The following ERCC4 variants were observed in gnomAD, a reference collection of about 807,000 sequenced individuals.
ERCC4 encodes ERCC excision repair 4, endonuclease catalytic subunit.
A neutral mutation model predicts 76.9 loss-of-function variants in ERCC4; 65 were observed. The observed-to-expected ratio is 0.84, with a 90% CI of 0.69 to 1.04. ERCC4 has a LOEUF of 1.04. ERCC4 is among the 50% of genes least tolerant of loss of function. The pLI is 0.00. For missense variants in ERCC4, 1,214 were observed against 1,128.2 expected (o/e 1.08, Z -1.09); for synonymous variants, 463 against 410.1 (o/e 1.13, Z -1.56).
Position 13,947,919 on chromosome 16 carries a change from T to C in ERCC4, c.2323T>C (p.Leu775=). The C allele has an allele frequency of 6.2e-7, 1 of 1,614,168 alleles. No individual in the cohort carries two copies. Among genetic ancestry groups the C allele is most frequent in the Non-Finnish European group, 8.5e-7 (1 of 1,180,028 alleles). Residue 775 remains leucine, a synonymous_variant, in exon 11 of 11, where the codon TTG becomes CTG. Coordinates refer to ENST00000311895, the MANE Select transcript of ERCC4 (RefSeq NM_005236.3). ...KPFSLTSRGA[L]FQEISSNDIS... ...TTTCTCTCTCACTTCCCGAGGTGCC[T>C]TGTTTCAGGAGATCTCCAGCAATGA...
chr16:13,921,919 A>G (rs1426406052), intron 1 of ERCC4, 112 bp from the exon 2 acceptor site: 1 of 706,954 alleles, frequency 1.4e-6, no homozygotes, highest in East Asian at 2.7e-5. Flanking sequence ...GTGTATATTC[A>G]TTATTAAGTT....
rs373229910 is a variant in ERCC4, at chr16:13,932,205, C to G, written c.1022C>G (p.Ala341Gly). ...ACCTCGATGTTTATAAATGCTCGAG[C>G]AAGGGTTTATCATCTTCCAGATGCC... ...SSTSMFINAR[A>G]RVYHLPDAKM... The change falls in exon 6 of 11, where the codon GCA becomes GGA. Residue 341 changes from alanine (A) to glycine (G), a missense_variant. Transcript: ENST00000311895. 1 of 1,612,878 alleles carries G rather than the reference C, an allele frequency of 6.2e-7. No homozygotes were observed. The highest frequency in any genetic ancestry group is 8.5e-7 in the Non-Finnish European group (1 of 1,178,990).
rs2032564097 is a variant in ERCC4, at chr16:13,948,285, C to T, written c.2689C>T (p.Leu897Phe). The T allele has an allele frequency of 6.2e-7, 1 of 1,613,988 alleles. No homozygotes were observed. The highest frequency in any genetic ancestry group is 8.5e-7 in the Non-Finnish European group (1 of 1,179,990). The change falls in exon 11 of 11, where the codon CTT becomes TTT. Residue 897 changes from leucine to phenylalanine, a missense_variant. Leu to Phe is a conservative substitution (Grantham distance 22, BLOSUM62 0). Transcript: ENST00000311895. ...GGGGAATGCTGCAAATGCCAAACAG[C>T]TTTATGATTTCATTCACACCTCTTT... is the stretch of plus-strand genomic sequence containing the variant. ...ILGNAANAKQ[L>F]YDFIHTSFAE...
chr16:13,944,963 A>G (rs1303763741), intron 10 of ERCC4, 128 bp downstream of exon 10: 2 of 650,074 alleles, frequency 3.1e-6, no homozygotes, highest in Non-Finnish European at 2.8e-6. Flanking sequence ...CAAGGAGAGG[A>G]TGTGTACTTC....
chr16:13,922,562 C>T (rs527684572), intron 2 of ERCC4: 27 of 705,248 alleles, frequency 3.8e-5, no homozygotes, highest in Non-Finnish European at 6.0e-5. Context: ...TTTTGAATGA[C>T]GAATTTCTTA....
intron 1 of ERCC4, among the ~76,000 whole-genome samples, chr16:13,921,050 G>A (rs947692594): frequency 6.6e-6 from 1 of 152,180 alleles, no homozygotes; most frequent in African/African-American, 2.4e-5. Context: ...GAGTCCTGAA[G>A]TTGGCCATTA....
At chr16:13,921,277 G>C (rs1338497522) in intron 1 of ERCC4, among the ~76,000 whole-genome samples, 1 of 152,176 alleles carries the variant, frequency 6.6e-6, no homozygotes, top group Non-Finnish European at 1.5e-5. Context: ...TGAGGATGTT[G>C]GCAAAGGTTA....
chr16:13,943,607 G>A (rs1366677272), intron 9 of ERCC4, among the ~76,000 whole-genome samples: 1 of 152,204 alleles, frequency 6.6e-6, no homozygotes, highest in Admixed American at 6.5e-5. Flanking sequence ...TGGGGACCCA[G>A]CCAGACCATA....
At chr16:13,943,667 T>C (rs1233942266) in intron 9 of ERCC4, among the ~76,000 whole-genome samples, 4 of 152,174 alleles carry the variant, frequency 2.6e-5, no homozygotes, top group African/African-American at 9.7e-5. Context: ...TTAATTAACA[T>C]TGATGGTTCC....
At chr16:13,935,118 G>GT (rs1395205342) in intron 7 of ERCC4, 28 bp from the exon 8 acceptor site, 2 of 1,532,000 alleles carry the variant, frequency 1.3e-6, no homozygotes, top group African/African-American at 2.7e-5. Context: ...TGAGGTAATA[G>GT]TAACATAATG....
intron 8 of ERCC4, among the ~76,000 whole-genome samples, chr16:13,936,318 G>A (rs2032292357): frequency 6.6e-6 from 1 of 152,194 alleles, no homozygotes. Flanking sequence ...GAAATAAACA[G>A]CAAAATTAAT....
chr16:13,937,782 T>C lies in ERCC4; in HGVS notation c.1828T>C (p.Tyr610His). The change falls in exon 9 of 11, where the codon TAC becomes CAC. Residue 610 changes from tyrosine to histidine, a missense_variant. Tyr to His is a moderately conservative substitution (Grantham distance 83). Transcript: ENST00000311895. ...GKPLRVYFLI[Y>H]GGSTEEQRYL... ...AACATGCAGGGTTTACTTTCTTATA[T>C]ACGGAGGTTCAACTGAGGAACAACG... 5 of 1,611,932 alleles carry C rather than the reference T, an allele frequency of 3.1e-6. No homozygotes were observed. The highest frequency in any genetic ancestry group is 4.2e-6 in the Non-Finnish European group (5 of 1,178,022).
intron 7 of ERCC4, 173 bp downstream of exon 7, chr16:13,934,475 G>A: frequency 3.3e-6 from 2 of 600,816 alleles, no homozygotes; most frequent in Middle Eastern, 4.6e-4. Context: ...AATGGCAAAT[G>A]AACACTGAGA....
intron 9 of ERCC4, 152 bp downstream of exon 9, chr16:13,938,010 G>A: frequency 1.5e-6 from 1 of 650,606 alleles, no homozygotes; most frequent in East Asian, 2.7e-5. Flanking sequence ...TTGTCCTCCA[G>A]TGTAGATCTC....
chr16:13,947,618 C>A lies in ERCC4; in HGVS notation c.2022C>A (p.Gly674=). Reference sequence around the variant, plus strand: ...TTACTTACTTTTTCTCTGTAGGTGGCCAGGAACAGAATGGTACACAGCAAA... The same window carrying A: ...TTACTTACTTTTTCTCTGTAGGTGGACAGGAACAGAATGGTACACAGCAAA... ...DVSTDTRKAG[G]QEQNGTQQSI... is the part of the protein sequence containing the mutation. The change falls in exon 11 of 11, where the codon GGC becomes GGA. Residue 674 remains glycine, a synonymous_variant. Transcript: ENST00000311895. 1 of 1,614,090 alleles carries A rather than the reference C, an allele frequency of 6.2e-7. No homozygotes were observed. The highest frequency in any genetic ancestry group is 8.5e-7 in the Non-Finnish European group (1 of 1,180,002).
At position 13,935,679 on chromosome 16, in the gene ERCC4, G is replaced by A. The variant is rs2032275316; in HGVS notation, c.1747G>A (p.Ala583Thr). The A allele has an allele frequency of 6.2e-7, 1 of 1,614,136 alleles. No individual in the cohort carries two copies. Among genetic ancestry groups the A allele is most frequent in the Middle Eastern group, 1.6e-4 (1 of 6,062 alleles). The change falls in exon 8 of 11, where the codon GCA becomes ACA. Residue 583 changes from alanine to threonine, a missense_variant. By Grantham distance (58) the Ala-to-Thr change is moderately conservative. Coordinates refer to ENST00000311895, the MANE Select transcript of ERCC4 (RefSeq NM_005236.3). The stretch of plus-strand genomic sequence containing the variant: ...GCCAAGATACGTGGTTCTTTATGAC[G>A]CAGAGCTAACCTTTGTTCGGCAGCT... ...VEPRYVVLYD[A>T]ELTFVRQLEI...
intron 5 of ERCC4, chr16:13,931,589 C>T (rs1421100763): frequency 6.4e-6 from 1 of 156,892 alleles, no homozygotes; most frequent in African/African-American, 2.4e-5. Flanking sequence ...TAAAACTCTT[C>T]TACCTGTAGA....
intron 9 of ERCC4, among the ~76,000 whole-genome samples, chr16:13,941,020 C>G (rs936719032): frequency 6.6e-6 from 1 of 152,192 alleles, no homozygotes; most frequent in Non-Finnish European, 1.5e-5. Flanking sequence ...GGAATCTAAT[C>G]TAGAAAAGAG....
rs934912008 is a variant in ERCC4, at chr16:13,948,427, T to C, written c.*80T>C. On this transcript the variant is annotated 3_prime_UTR_variant, in exon 11 of 11. Coordinates refer to ENST00000311895, the MANE Select transcript of ERCC4 (RefSeq NM_005236.3). ...AGACATCATAGGTCATTATTAATTA[T>C]TGGTTTGCTATTTCATTCTTTTCCA... The C allele has an allele frequency of 6.7e-7, 1 of 1,488,454 alleles. No homozygotes were observed. The highest frequency in any genetic ancestry group is 9.3e-7 in the Non-Finnish European group (1 of 1,080,324). The allele number at this position is 1,488,454 out of a possible 1,614,324, so 92.2% of individuals were successfully genotyped here. A position where few individuals can be genotyped will look rare whatever the true frequency, so the allele number is the denominator to read the frequency against.
Sources: gnomAD v4.1 joint callset for allele counts (sites outside exome capture counted in the v4.1 genomes callset) on GRCh38, gnomAD v4.1.1 for gene constraint, MANE v1.5 for transcripts, NCBI Gene and HGNC (gene_info 2026-07-23, HGNC 2026-07-21) for gene names.